The following ACLY variants were observed in gnomAD, a reference collection of about 807,000 sequenced individuals.
The protein encoded by ACLY is ATP-citrate synthase.
ACLY carries 41 observed loss-of-function variants against 133.0 expected under a neutral mutation model. The observed-to-expected ratio is 0.31, with a 90% CI of 0.24 to 0.40. ACLY has a LOEUF of 0.40. Among genes scored for constraint, ACLY ranks in the 10% least tolerant of loss-of-function variants. ACLY has a pLI of 1.00. For missense variants in ACLY, 1,046 were observed against 1,453.8 expected, an observed-to-expected ratio of 0.72 and a Z score of 4.56; for synonymous variants, 495 against 549.3, an observed-to-expected ratio of 0.90 and a Z score of 1.38.
intron 3 of ACLY, among the ~76,000 whole-genome samples, chr17:41,912,162 T>C (rs1421184398): frequency 6.6e-6 from 1 of 150,992 alleles, no homozygotes; most frequent in African/African-American, 2.4e-5. Context: ...TCTTGAATTA[T>C]ATTGAGGTTA....
intron 1 of ACLY, among the ~76,000 whole-genome samples, chr17:41,918,352 C>A (rs1484578124): frequency 6.6e-6 from 1 of 152,226 alleles, no homozygotes; most frequent in Non-Finnish European, 1.5e-5. Flanking sequence ...GCCCCGGAGG[C>A]GCGCATAGCT....
At chr17:41,869,806 A>C (rs1469959410) in intron 25 of ACLY, among the ~76,000 whole-genome samples, 6 of 152,198 alleles carry the variant, frequency 3.9e-5, no homozygotes, top group African/African-American at 1.4e-4. Context: ...CAACCTTGGT[A>C]GGTTCTCACT....
intron 5 of ACLY, 55 bp downstream of exon 5, chr17:41,909,455 G>A (rs1413963448): frequency 1.3e-6 from 2 of 1,576,360 alleles, no homozygotes; most frequent in African/African-American, 2.7e-5. Context: ...TGTGCCCAGA[G>A]CCTGTCGGTC....
At position 41,871,700 on chromosome 17, in the gene ACLY, G is replaced by A. The variant is rs1555625077; in HGVS notation, c.2926C>T (p.Arg976Ter). The A allele has an allele frequency of 3.7e-6, 6 of 1,613,902 alleles. No homozygotes were observed. Among genetic ancestry groups the A allele is most frequent in the African/African-American group, 1.3e-5 (1 of 74,974 alleles). ...EGKLIMGIGH[R>*]VKSINNPDMR... ...GAGTAACAACTCACCGACTTCACTC[G>A]GTGACCAATGCCCATGATCAGCTTC... Residue 976 changes from arginine to a stop codon, truncating the protein, a stop_gained, in exon 25 of 29, where the codon CGA becomes TGA. Transcript: ENST00000352035. LOFTEE classifies it high-confidence loss of function.
rs185555597 is a variant in ACLY at position 41,880,239 on chromosome 17, G to C, written c.2266-1315C>G. 4.9e-3 allele frequency among the ~76,000 whole-genome samples: 741 copies of C among 152,302 alleles called. 37 individuals are homozygous for C. Among genetic ancestry groups the C allele is most frequent in the Admixed American group, 0.048 (729 of 15,278 alleles). On this transcript the variant is annotated intron_variant, in intron 20 of 28. Coordinates refer to ENST00000352035, the MANE Select transcript of ACLY (RefSeq NM_001096.3). ...TAAAAAAGGAAATGGGAGCACAGAT[G>C]GGTAAAGTGATTTATCCCAGGTCAC...
intron 1 of ACLY, among the ~76,000 whole-genome samples, chr17:41,927,553 C>T (rs2050258245): frequency 6.6e-6 from 1 of 151,992 alleles, no homozygotes; most frequent in Non-Finnish European, 1.5e-5. Flanking sequence ...AGACTAGGCG[C>T]AGTGGCTCAT....
chr17:41,904,777 G>C lies in ACLY; in HGVS notation c.1017C>G (p.Ile339Met). The C allele has an allele frequency of 1.9e-6, 3 of 1,613,980 alleles. No individual in the cohort carries two copies. The highest frequency in any genetic ancestry group is 1.7e-6 in the Non-Finnish European group (2 of 1,179,860). The change falls in exon 10 of 29, where the codon ATC (isoleucine) becomes ATG (methionine). Residue 339 changes from isoleucine (I) to methionine (M), a missense_variant. Physicochemically the swap from Ile to Met is conservative, Grantham distance 10 (BLOSUM62 1). This residue lies in a region of ACLY where 575 missense variants were observed against 804.2 expected (regional missense o/e 0.71). Transcript: ENST00000352035. ...TGAAGTTTGCGATGCTGCCTCCAAT[G>C]ATGAGGATCTTGCCTGGATTTGGAG... ...REKHPDGKILIIGGSIANFTN... is the reference protein window; with the variant it reads ...REKHPDGKILMIGGSIANFTN...
At chr17:41,868,616 G>A (rs12946315) in intron 28 of ACLY, 93 bp downstream of exon 28, 73,290 of 187,178 alleles carry the variant, frequency 0.39, 7,152 homozygotes, top group South Asian at 0.56. Context: ...AAAAAAAAAA[G>A]AAAGAAAAAG....
At chr17:41,909,953 A>C (rs1256622203) in intron 4 of ACLY, among the ~76,000 whole-genome samples, 2 of 152,120 alleles carry the variant, frequency 1.3e-5, no homozygotes, top group African/African-American at 4.8e-5. Flanking sequence ...ACCCCAGCTG[A>C]GGGGTGGGGC....
At position 41,905,676 on chromosome 17, in the gene ACLY, G is replaced by C; in HGVS notation, c.867-18C>G. 1 of 1,614,144 alleles carries C rather than the reference G, an allele frequency of 6.2e-7. No homozygotes were observed. The highest frequency in any genetic ancestry group is 1.1e-5 in the South Asian group (1 of 91,078). On this transcript the variant is annotated intron_variant, in intron 8 of 28. Coordinates refer to ENST00000352035, the MANE Select transcript of ACLY (RefSeq NM_001096.3). ...TGGTATCGCTGCCAAGGAGACAGAA[G>C]TCAGTGATGGCTCTCACACTTGGGG...
chr17:41,892,475 A>C (rs552225109), intron 15 of ACLY, 28 bp from the exon 16 acceptor site: 2 of 1,604,118 alleles, frequency 1.2e-6, no homozygotes, highest in Non-Finnish European at 1.7e-6. Context: ...AAGAATTAGG[A>C]TATCCTCAAC....
At chr17:41,920,154 C>A (rs1362184275), upstream of ACLY, among the ~76,000 whole-genome samples, 1 of 152,238 alleles carries the variant, frequency 6.6e-6, no homozygotes, top group Non-Finnish European at 1.5e-5. Context: ...CCAAGACCCC[C>A]TCCCCCAATC....
intron 1 of ACLY, among the ~76,000 whole-genome samples, chr17:41,926,340 C>T (rs143111407): frequency 1.5e-3 from 229 of 152,302 alleles, no homozygotes; most frequent in African/African-American, 5.2e-3. Flanking sequence ...TGGAGCAAAC[C>T]TTGTCATTTC....
chr17:41,874,628 C>T (rs868978049), intron 22 of ACLY, among the ~76,000 whole-genome samples: 3 of 145,174 alleles, frequency 2.1e-5, no homozygotes, highest in African/African-American at 7.7e-5. Flanking sequence ...GGCTGGAGTG[C>T]AGTGGTACGA....
intron 2 of ACLY, 33 bp downstream of exon 2, chr17:41,913,681 TG>T: frequency 3.1e-6 from 5 of 1,608,234 alleles, no homozygotes; most frequent in Non-Finnish European, 3.4e-6. Flanking sequence ...ACCCCGGGCC[TG>T]GAAGAAAGGC....
At chr17:41,908,242 C>T (rs1465048436) in intron 6 of ACLY, among the ~76,000 whole-genome samples, 1 of 152,178 alleles carries the variant, frequency 6.6e-6, no homozygotes, top group Non-Finnish European at 1.5e-5. Flanking sequence ...GCCACTCTCC[C>T]TCAACACCAC....
At chr17:41,901,895 G>A (rs2049551415) in intron 10 of ACLY, 82 bp from the exon 11 acceptor site, 6 of 1,102,108 alleles carry the variant, frequency 5.4e-6, no homozygotes, top group Non-Finnish European at 7.9e-6. Context: ...AAACATACCA[G>A]GTATATGTGA....
At chr17:41,881,471 C>T (rs1301637553) in intron 20 of ACLY, among the ~76,000 whole-genome samples, 3 of 147,536 alleles carry the variant, frequency 2.0e-5, no homozygotes, top group Non-Finnish European at 3.0e-5. Context: ...ATGGAATAAG[C>T]GGACTGACAA....
intron 1 of ACLY, among the ~76,000 whole-genome samples, chr17:41,914,345 C>T (rs1032998383): frequency 3.9e-5 from 6 of 152,176 alleles, no homozygotes. Context: ...GTGCAGAGTA[C>T]GGCTGAAATT....
Sources: allele counts gnomAD v4.1 joint callset (sites outside exome capture counted in the v4.1 genomes callset), GRCh38; gene constraint gnomAD v4.1.1; regional missense constraint gnomAD v4.1.1; transcripts MANE v1.5; gene names NCBI Gene and HGNC (gene_info 2026-07-23, HGNC 2026-07-21).